Variants in KDM2B observed in about 807,000 individuals in gnomAD.
KDM2B encodes the protein lysine-specific demethylase 2B.
A neutral mutation model predicts 150.0 loss-of-function variants in KDM2B; 26 were observed. The observed-to-expected ratio is 0.17, with a 90% confidence interval of 0.13 to 0.24. The LOEUF (loss-of-function observed/expected upper bound fraction) is 0.24. KDM2B is among the 10% of genes least tolerant of loss of function. The pLI is 1.00. For missense variants in KDM2B, 1,265 were observed against 1,816.9 expected, an observed-to-expected ratio of 0.70 and a Z score of 5.52; for synonymous variants, 734 against 729.5, an observed-to-expected ratio of 1.01 and a Z score of -0.10.
chr12:121,551,830 G>C (rs1047066819), intron 4 of KDM2B, among the ~76,000 whole-genome samples: 1 of 152,166 alleles, frequency 6.6e-6, no homozygotes, highest in African/African-American at 2.4e-5. Flanking sequence ...TGGGATTACA[G>C]GTGTGAGCCA....
Position 121,578,322 on chromosome 12 carries a change from C to A in KDM2B, c.271+480G>T, listed in dbSNP as rs377766452. 1.3e-4 allele frequency among the ~76,000 whole-genome samples: 20 copies of A among 152,292 alleles called. No individual in the cohort carries two copies. In the East Asian group the frequency reaches 1.4e-3, roughly 10 times the overall value. ...TCGTCCCAAACACCCGACGCGCCCC[C>A]ATCACCAGTTCCTCACTGGCAGGCC... On this transcript the variant is annotated intron_variant, in intron 2 of 22. Transcript: ENST00000377071.
chr12:121,425,797 C>T (rs551284830), downstream of KDM2B, among the ~76,000 whole-genome samples: 15 of 150,086 alleles, frequency 1.0e-4, no homozygotes, highest in Admixed American at 3.3e-4. Context: ...GACAGAGTCT[C>T]GCTCTGTTGC....
intron 12 of KDM2B, among the ~76,000 whole-genome samples, chr12:121,480,125 G>A (rs1258888008): frequency 6.6e-6 from 1 of 152,122 alleles, no homozygotes; most frequent in Admixed American, 6.6e-5. Flanking sequence ...ATCAACAAGT[G>A]CTGAAACCAT....
intron 12 of KDM2B, among the ~76,000 whole-genome samples, chr12:121,477,730 A>C (rs11611712): frequency 5.9e-5 from 9 of 151,922 alleles, no homozygotes; most frequent in African/African-American, 9.7e-5. Context: ...GGTGTCTGCC[A>C]CCACACCCAG....
chr12:121,528,287 T>C (rs1887326139), intron 8 of KDM2B, among the ~76,000 whole-genome samples: 1 of 152,194 alleles, frequency 6.6e-6, no homozygotes, highest in Admixed American at 6.5e-5. Flanking sequence ...AGCCGGGCGC[T>C]ATGGCTTATG....
intron 11 of KDM2B, among the ~76,000 whole-genome samples, chr12:121,507,986 G>C (rs1329601443): frequency 6.6e-6 from 1 of 152,210 alleles, no homozygotes; most frequent in Non-Finnish European, 1.5e-5. Flanking sequence ...ATTCCAGCCT[G>C]TGCAACAGAG....
At chr12:121,456,621 A>G (rs1235309809) in intron 12 of KDM2B, among the ~76,000 whole-genome samples, 1 of 152,192 alleles carries the variant, frequency 6.6e-6, no homozygotes, top group Non-Finnish European at 1.5e-5. Context: ...GCCAGGTATC[A>G]ATAGCCACTG....
chr12:121,517,139 T>C (rs1886285850), intron 9 of KDM2B, among the ~76,000 whole-genome samples: 1 of 152,114 alleles, frequency 6.6e-6, no homozygotes, highest in South Asian at 2.1e-4. Context: ...GTTAAAAGAA[T>C]GTAGTGATGA....
At chr12:121,444,862 T>C in intron 14 of KDM2B, 1 of 455,020 alleles carries the variant, frequency 2.2e-6, no homozygotes, top group Non-Finnish European at 4.1e-6. Context: ...AGCCATGAGC[T>C]CAGCGCCTGG....
At chr12:121,527,522 C>T (rs1414292578) in intron 8 of KDM2B, among the ~76,000 whole-genome samples, 2 of 150,304 alleles carry the variant, frequency 1.3e-5, no homozygotes, top group Non-Finnish European at 3.0e-5. Flanking sequence ...GGCATGGTGG[C>T]AGGCGCCTGT....
At position 121,520,887 on chromosome 12, in the gene KDM2B, A is replaced by G; in HGVS notation, c.1047+98T>C. The G allele has an allele frequency of 8.6e-6, 5 of 579,626 alleles. No individual in the cohort carries two copies. Among genetic ancestry groups the G allele is most frequent in the South Asian group, 1.8e-5 (1 of 56,652 alleles). 35.9% of individuals were successfully genotyped at this position (579,626 alleles called of 1,614,324 possible). ...AGAGAGGAATCGGGAGGGAGAGGGG[A>G]ACTGTGGAGGACTTCAGTATGACCT... On this transcript the variant is annotated intron_variant, in intron 9 of 22. Transcript: ENST00000377071. This position sits in a 1 kb window ranked among gnomAD's most constrained non-coding sequence, Gnocchi z 4.5.
the KDM2B span, among the ~76,000 whole-genome samples, chr12:121,422,577 C>T: frequency 2.6e-5 from 4 of 152,212 alleles, no homozygotes; most frequent in African/African-American, 9.6e-5. Flanking sequence ...GGCAGTAAAA[C>T]ATTTCTCTTA....
At chr12:121,475,451 G>C (rs1463085719) in intron 12 of KDM2B, among the ~76,000 whole-genome samples, 1 of 151,180 alleles carries the variant, frequency 6.6e-6, no homozygotes, top group Non-Finnish European at 1.5e-5. Flanking sequence ...AATTTAGCCA[G>C]GCAAGGTGGC....
rs1236365525 is a variant in KDM2B at position 121,518,306 on chromosome 12, A to C, written c.1047+2679T>G. 3.9e-5 allele frequency among the ~76,000 whole-genome samples: 6 copies of C among 152,232 alleles called. No individual in the cohort carries two copies. The highest frequency in any genetic ancestry group is 1.4e-4 in the African/African-American group (6 of 41,456). ...CCCTGGCATCTTATCTGGTTCCAGA[A>C]TTCTCTCCCCAGTGCCTTTTGTCTG... On this transcript the variant is annotated intron_variant, in intron 9 of 22. Transcript: ENST00000377071. This position sits in a 1 kb window ranked among gnomAD's most constrained non-coding sequence, Gnocchi z 4.4.
intron 4 of KDM2B, among the ~76,000 whole-genome samples, chr12:121,562,477 C>T (rs536591216): frequency 6.6e-6 from 1 of 151,978 alleles, no homozygotes; most frequent in Non-Finnish European, 1.5e-5. Flanking sequence ...GAGTGAGACT[C>T]TGTCTCAAAA....
chr12:121,416,797 C>A, the KDM2B span, among the ~76,000 whole-genome samples: 29,103 of 152,162 alleles, frequency 0.19, 4,300 homozygotes, highest in African/African-American at 0.41. Flanking sequence ...GATTCAACAT[C>A]AAATACTTAG....
At chr12:121,556,524 G>T (rs1889912398) in intron 4 of KDM2B, among the ~76,000 whole-genome samples, 1 of 152,148 alleles carries the variant, frequency 6.6e-6, no homozygotes, top group African/African-American at 2.4e-5. Context: ...TGTACAGCCT[G>T]CAGAGCTGAA....
intron 12 of KDM2B, among the ~76,000 whole-genome samples, chr12:121,474,735 T>G (rs558478112): frequency 6.6e-6 from 1 of 152,292 alleles, no homozygotes; most frequent in South Asian, 2.1e-4. Context: ...GGCGAATTCC[T>G]TGAACACAGG....
intron 11 of KDM2B, among the ~76,000 whole-genome samples, chr12:121,508,316 G>A (rs1445600161): frequency 6.6e-6 from 1 of 152,078 alleles, no homozygotes; most frequent in Non-Finnish European, 1.5e-5. Flanking sequence ...CAAACTCCTG[G>A]CCTCAAATGA....
Sources: allele counts gnomAD v4.1 joint callset (sites outside exome capture counted in the v4.1 genomes callset), GRCh38; gene constraint gnomAD v4.1.1; non-coding constraint Gnocchi (gnomAD v3.1); transcripts MANE v1.5; gene names NCBI Gene and HGNC (gene_info 2026-07-23, HGNC 2026-07-21).